Variants in POLE4 observed in about 807,000 individuals in gnomAD.
POLE4 encodes DNA polymerase epsilon 4, accessory subunit, also known as DNA polymerase epsilon subunit 4.
A neutral mutation model predicts 15.6 loss-of-function variants in POLE4; 15 were observed. That is an observed-to-expected ratio of 0.96 (90% CI 0.64 to 1.48). POLE4 has a LOEUF of 1.48. POLE4 is among the 40% of genes most tolerant of loss of function. POLE4 has a pLI of 0.00. For synonymous variants in POLE4, 83 were observed against 63.2 expected (o/e 1.31, Z -1.49); for missense variants, 205 against 151.9 (o/e 1.35, Z -1.84).
At chr2:74,966,196 AG>A (rs1361364436) in intron 3 of POLE4, among the ~76,000 whole-genome samples, 2 of 152,018 alleles carry the variant, frequency 1.3e-5, no homozygotes, top group Non-Finnish European at 2.9e-5. Flanking sequence ...AAGCCTATTT[AG>A]TACCTTTCCC....
At chr2:74,964,183 T>C (rs1202978192) in intron 3 of POLE4, among the ~76,000 whole-genome samples, 2 of 152,238 alleles carry the variant, frequency 1.3e-5, no homozygotes, top group Non-Finnish European at 2.9e-5. Flanking sequence ...TTCTCTTCCA[T>C]TGATCTATTT....
rs933738457 is a variant in POLE4 at position 74,958,914 on chromosome 2, A to T, written c.213+22A>T. Reference sequence around the variant, plus strand: ...CGCGGTGCGCCTGCAGCGCGAGGGCATGCGGGAGTGGGGGAGGTGGAGTGT... The same window carrying T: ...CGCGGTGCGCCTGCAGCGCGAGGGCTTGCGGGAGTGGGGGAGGTGGAGTGT... On this transcript the variant is annotated intron_variant, in intron 1 of 3. Transcript: ENST00000483063. 2.6e-6 allele frequency: 4 copies of T among 1,516,062 alleles called. No homozygotes were observed. In the African/African-American group the frequency reaches 5.6e-5, roughly 21 times the overall value. 93.9% of individuals were successfully genotyped at this position (1,516,062 alleles called of 1,614,324 possible).
rs1671345743 is a variant in POLE4 at position 74,969,772 on chromosome 2, G to T, written c.*350G>T. 8.3e-6 allele frequency: 2 copies of T among 239,534 alleles called. No homozygotes were observed. Among genetic ancestry groups the T allele is most frequent in the Non-Finnish European group, 1.6e-5 (2 of 121,348 alleles). The allele number at this position is 239,534 out of a possible 1,614,324, so 14.8% of individuals were successfully genotyped here. On this transcript the variant is annotated 3_prime_UTR_variant, in exon 4 of 4. Coordinates refer to ENST00000483063, the MANE Select transcript of POLE4 (RefSeq NM_019896.4). ...ATAATCTCGCCTTTGTTCCTACCCT[G>T]TGACTGGAGAGTCACCATACCTGGT...
At chr2:74,959,672 T>G in intron 2 of POLE4, 1 of 441,268 alleles carries the variant, frequency 2.3e-6, no homozygotes, top group Non-Finnish European at 4.0e-6. Flanking sequence ...TTCTGCCAAA[T>G]TGCACCAGAA....
intron 3 of POLE4, among the ~76,000 whole-genome samples, chr2:74,960,893 T>C (rs1157275840): frequency 6.6e-6 from 1 of 152,236 alleles, no homozygotes; most frequent in East Asian, 1.9e-4. Context: ...TGTTTAGATT[T>C]GTTTAAATAC....
intron 3 of POLE4, among the ~76,000 whole-genome samples, chr2:74,968,918 T>G (rs1211291602): frequency 3.3e-5 from 5 of 152,060 alleles, no homozygotes; most frequent in Admixed American, 3.3e-4. Context: ...CTCAGTTTTT[T>G]GTTGAAATCC....
rs1671319047 is a variant in POLE4, at chr2:74,967,980, T to C, written c.341-1429T>C. Among the ~76,000 whole-genome samples the C allele has an allele frequency of 2.0e-5, 3 of 152,230 alleles. No individual in the cohort carries two copies. The South Asian group carries it at 6.2e-4, about 32-fold the overall frequency. ...AAAGATGGGTGTCAGACTTCCTTAC[T>C]TGGGTAGACTCAGGGATTTGACTCT... On this transcript the variant is annotated intron_variant, in intron 3 of 3. Coordinates refer to ENST00000483063, the MANE Select transcript of POLE4 (RefSeq NM_019896.4).
intron 3 of POLE4, among the ~76,000 whole-genome samples, chr2:74,960,401 A>G (rs372449464): frequency 2.0e-5 from 3 of 152,242 alleles, no homozygotes; most frequent in Non-Finnish European, 4.4e-5. Context: ...GTGGAGTTAG[A>G]TGAATTCGAA....
At chr2:74,962,787 T>G (rs555329400) in intron 3 of POLE4, among the ~76,000 whole-genome samples, 26 of 152,220 alleles carry the variant, frequency 1.7e-4, no homozygotes, top group Non-Finnish European at 2.9e-4. Context: ...ACATTACTGT[T>G]TCCTAACTTT....
At chr2:74,962,340 G>C (rs1433379653) in intron 3 of POLE4, among the ~76,000 whole-genome samples, 1 of 152,000 alleles carries the variant, frequency 6.6e-6, no homozygotes, top group African/African-American at 2.4e-5. Context: ...TTCACATCTA[G>C]CTATCAATTT....
chr2:74,967,236 C>T (rs971881721), intron 3 of POLE4, among the ~76,000 whole-genome samples: 2 of 151,908 alleles, frequency 1.3e-5, no homozygotes, highest in Non-Finnish European at 2.9e-5. Flanking sequence ...CATAATTTTG[C>T]CTCTCTAGTA....
intron 3 of POLE4, among the ~76,000 whole-genome samples, chr2:74,961,968 A>G (rs528356995): frequency 2.6e-5 from 4 of 152,234 alleles, no homozygotes; most frequent in African/African-American, 4.8e-5. Flanking sequence ...ATCGTTACCT[A>G]ATGGCTTATA....
intron 3 of POLE4, among the ~76,000 whole-genome samples, chr2:74,969,118 C>G (rs1185437007): frequency 6.6e-6 from 1 of 152,034 alleles, no homozygotes; most frequent in Non-Finnish European, 1.5e-5. Flanking sequence ...ATATTCTTTT[C>G]TTATATGGTC....
At chr2:74,959,244 C>T in intron 1 of POLE4, 97 bp from the exon 2 acceptor site, 1 of 737,598 alleles carries the variant, frequency 1.4e-6, no homozygotes, top group Non-Finnish European at 2.3e-6. Context: ...TGCCCCGAGC[C>T]TTTCTTCTCC....
intron 3 of POLE4, among the ~76,000 whole-genome samples, chr2:74,962,372 T>C (rs1188018553): frequency 6.6e-6 from 1 of 152,190 alleles, no homozygotes; most frequent in Non-Finnish European, 1.5e-5. Context: ...TAATTTGACA[T>C]TGTCAAAGCT....
Position 74,960,112 on chromosome 2 carries a change from A to C in POLE4, c.306A>C (p.Ala102=), listed in dbSNP as rs367872535. 1 of 1,613,676 alleles carries C rather than the reference A, an allele frequency of 6.2e-7. No homozygotes were observed. The highest frequency in any genetic ancestry group is 8.5e-7 in the Non-Finnish European group (1 of 1,179,734). The stretch of plus-strand genomic sequence containing the variant: ...CTTTTCCTTGTGTTTCAGATAATGC[A>C]ATAGAAGCTGTGGATGAATTTGCTT... ...KTLQRRDLDN[A]IEAVDEFAFL... The change falls in exon 3 of 4, where the codon GCA becomes GCC. Residue 102 remains alanine (A), a synonymous_variant. Transcript: ENST00000483063.
At chr2:74,964,515 T>C (rs898289056) in intron 3 of POLE4, among the ~76,000 whole-genome samples, 45 of 152,104 alleles carry the variant, frequency 3.0e-4, no homozygotes, top group African/African-American at 1.0e-3. Flanking sequence ...CCTGAAGAAA[T>C]CTTGATGTAT....
rs886691337 is a variant in POLE4, at chr2:74,960,416, C to T, written c.340+270C>T. 1.4e-4 allele frequency among the ~76,000 whole-genome samples: 21 copies of T among 152,148 alleles called. 1 individual carries two copies. The highest frequency in any genetic ancestry group is 9.2e-4 in the Admixed American group (14 of 15,286). On this transcript the variant is annotated intron_variant, in intron 3 of 3. Transcript: ENST00000483063. ...GTGGAGTTAGATGAATTCGAAAGTTCGATTCCTACTTTGATCGCCATCCCT... is the reference window on the plus strand; with the variant it reads ...GTGGAGTTAGATGAATTCGAAAGTTTGATTCCTACTTTGATCGCCATCCCT...
chr2:74,967,026 A>G (rs571436471), intron 3 of POLE4, among the ~76,000 whole-genome samples: 1 of 149,850 alleles, frequency 6.7e-6, no homozygotes, highest in African/African-American at 2.5e-5. Flanking sequence ...TTTCACTTTG[A>G]TTTTCTGTGG....
Sources: gnomAD v4.1 joint callset for allele counts (sites outside exome capture counted in the v4.1 genomes callset) on GRCh38, gnomAD v4.1.1 for gene constraint, MANE v1.5 for transcripts, NCBI Gene and HGNC (gene_info 2026-07-23, HGNC 2026-07-21) for gene names.